Variants in RGS12 observed in about 807,000 individuals in gnomAD.
The protein encoded by RGS12 is regulator of G protein signaling 12.
A neutral mutation model predicts 120.1 loss-of-function variants in RGS12; 66 were observed. That is an observed-to-expected ratio of 0.55 (90% CI 0.45 to 0.67). RGS12 has a LOEUF of 0.67. Among genes scored for constraint, RGS12 ranks in the 30% least tolerant of loss-of-function variants. The probability of loss-of-function intolerance (pLI) is 0.00; values close to 1 mark genes in which losing one functional copy is unlikely to be tolerated. For missense variants in RGS12, 1,859 were observed against 1,957.7 expected (o/e 0.95, Z 0.95); for synonymous variants, 827 against 804.7 (o/e 1.03, Z -0.47).
At chr4:3,415,029 TGA>T (rs1722213224) in intron 6 of RGS12, among the ~76,000 whole-genome samples, 185 bp downstream of exon 6, 1 of 87,364 alleles carries the variant, frequency 1.1e-5, no homozygotes, top group South Asian at 3.7e-4. Flanking sequence ...GAGGGGCGTG[TGA>T]GAGGGACGTG....
At position 3,417,398 on chromosome 4, in the gene RGS12, A is replaced by T. The variant is rs373860356; in HGVS notation, c.2618A>T (p.Lys873Ile). 1 of 1,570,000 alleles carries T rather than the reference A, an allele frequency of 6.4e-7. No individual in the cohort carries two copies. The highest frequency in any genetic ancestry group is 1.4e-5 in the African/African-American group (1 of 72,800). The change falls in exon 9 of 18, where the codon AAA becomes ATA. Residue 873 changes from lysine (K) to isoleucine (I), a missense_variant. By Grantham distance (102) the Lys-to-Ile change is moderately radical. This residue lies in a region of RGS12 where 375 missense variants were observed against 475.0 expected (regional missense o/e 0.79). Transcript: ENST00000336727. The stretch of plus-strand genomic sequence containing the variant: ...TCCATTTGATGACAGTTAAGTGGAA[A>T]ATCAAAATCCGGCCGATCCCTGAAT... ...SVSTPKKLSG[K>I]SKSGRSLNEE...
intron 3 of RGS12, among the ~76,000 whole-genome samples, chr4:3,356,174 C>A (rs920922083): frequency 6.6e-6 from 1 of 151,580 alleles, no homozygotes; most frequent in Admixed American, 6.6e-5. Flanking sequence ...TGGCCTCAGC[C>A]CCCTCATATA....
Position 3,317,867 on chromosome 4 carries a change from G to A in RGS12, c.1697G>A (p.Ser566Asn). Residue 566 changes from serine (S) to asparagine (N), a missense_variant, in exon 2 of 18, where the codon AGC (serine) becomes AAC (asparagine). By Grantham distance (46) the Ser-to-Asn change is conservative. Transcript: ENST00000336727. ...SYTDSTDGWS[S>N]INCGTLPPPM... The stretch of plus-strand genomic sequence containing the variant: ...ACAGATTCCACCGATGGCTGGTCCA[G>A]CATCAACTGCGGCACACTGCCCCCT... 6.2e-7 allele frequency: 1 copy of A among 1,613,750 alleles called. No homozygotes were observed. The highest frequency in any genetic ancestry group is 2.2e-5 in the East Asian group (1 of 44,866).
intron 4 of RGS12, among the ~76,000 whole-genome samples, chr4:3,387,741 G>A (rs1719002687): frequency 6.6e-6 from 1 of 152,216 alleles, no homozygotes; most frequent in African/African-American, 2.4e-5. Context: ...ATCTGTTCAT[G>A]CTTTCTCTTT....
chr4:3,382,871 T>C (rs554037307), intron 3 of RGS12, among the ~76,000 whole-genome samples: 1 of 152,304 alleles, frequency 6.6e-6, no homozygotes, highest in East Asian at 1.9e-4. Context: ...CAGCCTTTGT[T>C]TCTCGACAGC....
chr4:3,404,081 G>A (rs779080558), intron 4 of RGS12, among the ~76,000 whole-genome samples: 2 of 152,172 alleles, frequency 1.3e-5, no homozygotes, highest in African/African-American at 4.8e-5. Context: ...GGAGGGTAGC[G>A]AGATGGCATA....
intron 3 of RGS12, 41 bp from the exon 4 acceptor site, chr4:3,386,375 T>G: frequency 1.2e-6 from 2 of 1,600,940 alleles, no homozygotes; most frequent in Non-Finnish European, 1.7e-6. Context: ...AGTTTTGTCA[T>G]GAGGCTTAAT....
chr4:3,306,566 C>T (rs1383384984), intron 1 of RGS12, among the ~76,000 whole-genome samples: 1 of 152,242 alleles, frequency 6.6e-6, no homozygotes, highest in Non-Finnish European at 1.5e-5. Flanking sequence ...ACCCTCTGCT[C>T]CTCAGTCAGG....
intron 3 of RGS12, among the ~76,000 whole-genome samples, chr4:3,381,754 CACA>C (rs1718282821): frequency 6.6e-6 from 1 of 152,202 alleles, no homozygotes; most frequent in African/African-American, 2.4e-5. Flanking sequence ...TCGGTGGGGA[CACA>C]ACAAAACCAT....
At chr4:3,373,341 T>C (rs1407310238) in intron 3 of RGS12, among the ~76,000 whole-genome samples, 1 of 152,166 alleles carries the variant, frequency 6.6e-6, no homozygotes, top group Non-Finnish European at 1.5e-5. Context: ...TGTTAGGGCC[T>C]GAGGCTGGTG....
chr4:3,308,300 G>A (rs1190022184), intron 1 of RGS12, among the ~76,000 whole-genome samples: 1 of 152,276 alleles, frequency 6.6e-6, no homozygotes. Flanking sequence ...GCCGGCGTTA[G>A]TAAGAGGCTG....
chr4:3,343,118 AGATACGTCTGGCTG>A, intron 3 of RGS12, 65 bp downstream of exon 3: 1 of 1,203,720 alleles, frequency 8.3e-7, no homozygotes, highest in Non-Finnish European at 1.2e-6. Flanking sequence ...TCCACCTTGC[AGATACGTCTGGCTG>A]TTTTTTGAGT....
chr4:3,377,462 G>A (rs115832291), intron 3 of RGS12, among the ~76,000 whole-genome samples: 2,730 of 152,154 alleles, frequency 0.018, 69 homozygotes, highest in African/African-American at 0.059. Flanking sequence ...CCTTTGGTCC[G>A]TTTTTTTAGG....
intron 4 of RGS12, 94 bp downstream of exon 4, chr4:3,386,531 C>A: frequency 8.9e-7 from 1 of 1,127,490 alleles, no homozygotes; most frequent in Non-Finnish European, 1.3e-6. Flanking sequence ...TCAGGAAGGA[C>A]GGGTTGTTTG....
At position 3,439,441 on chromosome 4, in the gene RGS12, TCTC is replaced by T. The variant is rs749588104; in HGVS notation, c.4115-11_4115-9del. The T allele has an allele frequency of 3.2e-5, 52 of 1,612,376 alleles. No individual in the cohort carries two copies. Among genetic ancestry groups the T allele is most frequent in the East Asian group, 4.5e-5 (2 of 44,886 alleles). ...GGGCCAGGCAAGTGACAGCTTCTCT[TCTC>T]CTTGTGACAGGAAGTGGGACCCATG... On this transcript the variant is annotated splice_polypyrimidine_tract_variant and intron_variant, in intron 17 of 17. Coordinates refer to ENST00000336727, the MANE Select transcript of RGS12 (RefSeq NM_001394154.1).
intron 4 of RGS12, among the ~76,000 whole-genome samples, chr4:3,386,683 G>A (rs867813016): frequency 6.6e-6 from 1 of 152,138 alleles, no homozygotes; most frequent in Non-Finnish European, 1.5e-5. Context: ...GTGTGATAGA[G>A]CGCTGTGTGT....
At position 3,365,069 on chromosome 4, in the gene RGS12, G is replaced by A. The variant is rs1716155156; in HGVS notation, c.1999-21347G>A. On this transcript the variant is annotated intron_variant, in intron 3 of 17. Transcript: ENST00000336727. The surrounding 1 kb of genome is among the most constrained non-coding windows in gnomAD (Gnocchi z 4.0). ...GCATCCTGGGTGACAGGAGGATGAGGTGACGGCGGTTTGCAGGTTCCCCGG... is the reference window on the plus strand; with the variant it reads ...GCATCCTGGGTGACAGGAGGATGAGATGACGGCGGTTTGCAGGTTCCCCGG... Among the ~76,000 whole-genome samples, 1 of 152,164 alleles carries A rather than the reference G, an allele frequency of 6.6e-6. No homozygotes were observed.
intron 9 of RGS12, 193 bp downstream of exon 9, chr4:3,417,734 A>G: frequency 1.7e-6 from 1 of 600,764 alleles, no homozygotes; most frequent in East Asian, 2.8e-5. Context: ...AGCCAGCCAG[A>G]GGGCAGCAGG....
In RGS12 at chr4:3,430,977, TC is replaced by T. The variant is rs374312133; in HGVS notation, c.4114+24del. ...CCAGGTACCTCCAGGTTCTGATCCCTCCACCTTGGCCCCGTAAGCGTGGTCT... is the reference window on the plus strand; with the variant it reads ...CCAGGTACCTCCAGGTTCTGATCCCTCACCTTGGCCCCGTAAGCGTGGTCT... On this transcript the variant is annotated intron_variant, in intron 17 of 17. Transcript: ENST00000336727. The T allele has an allele frequency of 1.3e-3, 2,168 of 1,609,758 alleles. 6 individuals are homozygous for T. Among genetic ancestry groups the T allele is most frequent in the South Asian group, 4.0e-3 (359 of 90,872 alleles).
Sources: gnomAD v4.1 joint callset for allele counts (sites outside exome capture counted in the v4.1 genomes callset) on GRCh38, gnomAD v4.1.1 for gene constraint, gnomAD v4.1.1 regional missense constraint, Gnocchi (gnomAD v3.1) non-coding constraint, MANE v1.5 for transcripts, NCBI Gene and HGNC (gene_info 2026-07-23, HGNC 2026-07-21) for gene names.